GSTCD: variants seen among roughly 807,000 people sequenced by gnomAD.
GSTCD encodes the protein glutathione S-transferase C-terminal domain containing, also known as glutathione S-transferase C-terminal domain-containing protein.
A neutral mutation model predicts 68.3 loss-of-function variants in GSTCD; 44 were observed. The observed-to-expected ratio is 0.64, with a 90% CI of 0.51 to 0.83. GSTCD has a LOEUF of 0.83. GSTCD is among the 40% of genes least tolerant of loss of function. The pLI is 0.00. For missense variants in GSTCD, 739 were observed against 735.9 expected, an observed-to-expected ratio of 1.00 and a Z score of -0.05; for synonymous variants, 273 against 255.2, an observed-to-expected ratio of 1.07 and a Z score of -0.67.
At chr4:105,714,038 A>G (rs1660321349) in intron 1 of GSTCD, among the ~76,000 whole-genome samples, 1 of 151,752 alleles carries the variant, frequency 6.6e-6, no homozygotes, top group Admixed American at 6.6e-5. Context: ...AAAAAAAACC[A>G]GATCTGAATG....
chr4:105,739,787 A>C (rs1417679335), intron 5 of GSTCD, among the ~76,000 whole-genome samples: 1 of 152,154 alleles, frequency 6.6e-6, no homozygotes, highest in Non-Finnish European at 1.5e-5. Flanking sequence ...CAGCTTTTTC[A>C]GGGCATCATT....
intron 5 of GSTCD, among the ~76,000 whole-genome samples, chr4:105,763,990 A>T (rs576108681): frequency 3.9e-5 from 6 of 152,172 alleles, no homozygotes. Flanking sequence ...ATTTGTTTGT[A>T]TTCTTTCTTA....
intron 5 of GSTCD, among the ~76,000 whole-genome samples, chr4:105,804,446 C>T (rs745775304): frequency 2.0e-5 from 3 of 151,912 alleles, no homozygotes; most frequent in African/African-American, 4.8e-5. Flanking sequence ...TTAGAGAAAG[C>T]GTCACCTAAT....
At chr4:105,830,412 GTAAAA>G (rs933323461) in intron 8 of GSTCD, among the ~76,000 whole-genome samples, 8 of 152,088 alleles carry the variant, frequency 5.3e-5, no homozygotes, top group South Asian at 2.1e-4. Context: ...GTAAAAAAAA[GTAAAA>G]TAAAGAAAAA....
chr4:105,739,923 C>T (rs1279817792), intron 5 of GSTCD, among the ~76,000 whole-genome samples: 5 of 152,118 alleles, frequency 3.3e-5, no homozygotes, highest in African/African-American at 7.2e-5. Context: ...TCAGCTCTAG[C>T]TGTGAGTGGG....
At chr4:105,739,177 G>A (rs1341914732) in intron 5 of GSTCD, among the ~76,000 whole-genome samples, 3 of 152,114 alleles carry the variant, frequency 2.0e-5, no homozygotes, top group Admixed American at 6.5e-5. Flanking sequence ...ATATTCCTGG[G>A]ATAAATTCCA....
intron 5 of GSTCD, among the ~76,000 whole-genome samples, chr4:105,767,638 A>C (rs1734670525): frequency 6.6e-6 from 1 of 152,174 alleles, no homozygotes; most frequent in African/African-American, 2.4e-5. Context: ...TGGATCTAAG[A>C]AGACAGAAAA....
At chr4:105,762,303 T>A (rs1167550213) in intron 5 of GSTCD, among the ~76,000 whole-genome samples, 1 of 152,190 alleles carries the variant, frequency 6.6e-6, no homozygotes, top group Non-Finnish European at 1.5e-5. Context: ...ACTCATTTAG[T>A]TTCTCCCCAA....
intron 8 of GSTCD, among the ~76,000 whole-genome samples, chr4:105,831,352 A>C (rs1723886709): frequency 6.6e-6 from 1 of 152,192 alleles, no homozygotes; most frequent in Non-Finnish European, 1.5e-5. Flanking sequence ...AGAAAGGAAG[A>C]GTGACCTAGC....
intron 5 of GSTCD, among the ~76,000 whole-genome samples, chr4:105,762,127 TAGTC>T (rs910162381): frequency 1.3e-5 from 2 of 152,200 alleles, no homozygotes; most frequent in East Asian, 1.9e-4. Flanking sequence ...ATATGGAAAA[TAGTC>T]AGTCTTCCTT....
chr4:105,832,025 G>A (rs888509681), intron 8 of GSTCD, among the ~76,000 whole-genome samples: 1 of 152,098 alleles, frequency 6.6e-6, no homozygotes, highest in Non-Finnish European at 1.5e-5. Context: ...AGCTTAGTTA[G>A]GAATTACTTC....
chr4:105,751,763 T>C (rs1193765366), intron 5 of GSTCD, among the ~76,000 whole-genome samples: 1 of 152,142 alleles, frequency 6.6e-6, no homozygotes, highest in Non-Finnish European at 1.5e-5. Context: ...TCTTTCATAC[T>C]GAAAGCTTAA....
intron 7 of GSTCD, among the ~76,000 whole-genome samples, chr4:105,825,372 C>T (rs1269319018): frequency 5.9e-5 from 9 of 152,148 alleles, no homozygotes; most frequent in Admixed American, 2.0e-4. Context: ...TCAAGTGATC[C>T]GCTTGCCTCG....
At chr4:105,725,273 T>A (rs1002880956) in intron 3 of GSTCD, among the ~76,000 whole-genome samples, 5 of 152,130 alleles carry the variant, frequency 3.3e-5, no homozygotes, top group African/African-American at 9.7e-5. Flanking sequence ...AATTCCAAGT[T>A]TTGGCAATTA....
At chr4:105,824,336 A>G (rs1723478567) in intron 7 of GSTCD, among the ~76,000 whole-genome samples, 1 of 152,180 alleles carries the variant, frequency 6.6e-6, no homozygotes. Flanking sequence ...AGTAGGAGGA[A>G]GAGAGCTCAC....
intron 8 of GSTCD, among the ~76,000 whole-genome samples, chr4:105,828,582 A>G (rs931659219): frequency 3.9e-5 from 6 of 152,240 alleles, no homozygotes. Flanking sequence ...TGATGAAGCT[A>G]TATTCAACAT....
intron 11 of GSTCD, 122 bp downstream of exon 11, chr4:105,842,256 A>G (rs957919352): frequency 5.7e-6 from 4 of 696,154 alleles, no homozygotes; most frequent in Admixed American, 2.5e-5. Flanking sequence ...GAGAAACTAA[A>G]TATGTTCTTC....
intron 1 of GSTCD, among the ~76,000 whole-genome samples, chr4:105,717,250 A>G (rs1424159913): frequency 2.0e-5 from 3 of 152,158 alleles, no homozygotes; most frequent in African/African-American, 7.2e-5. Context: ...GACAGCTCTC[A>G]GTATTTTTGG....
At chr4:105,750,235 G>C (rs188913641) in intron 5 of GSTCD, among the ~76,000 whole-genome samples, 381 of 152,118 alleles carry the variant, frequency 2.5e-3, no homozygotes, top group Non-Finnish European at 4.1e-3. Flanking sequence ...AGGCCGAGGC[G>C]GGCGGATGAC....
Sources: allele counts gnomAD v4.1 joint callset (sites outside exome capture counted in the v4.1 genomes callset), GRCh38; gene constraint gnomAD v4.1.1; transcripts MANE v1.5; gene names NCBI Gene and HGNC (gene_info 2026-07-23, HGNC 2026-07-21).